SMG6: variants seen among roughly 807,000 people sequenced by gnomAD.
SMG6 encodes telomerase-binding protein EST1A.
SMG6 carries 66 observed loss-of-function variants against 142.2 expected under a neutral mutation model. The observed-to-expected ratio is 0.46, with a 90% confidence interval of 0.38 to 0.57. The LOEUF is 0.57. Among genes scored for constraint, SMG6 ranks in the 20% least tolerant of loss-of-function variants. SMG6 has a pLI of 0.00. For missense variants in SMG6, 1,793 were observed against 1,832.0 expected (o/e 0.98, Z 0.39); for synonymous variants, 779 against 702.4 (o/e 1.11, Z -1.72).
Position 2,065,494 on chromosome 17 carries a change from G to A in SMG6, c.4021C>T (p.Arg1341Cys). ...RGNELESIAF[R>C]SEDITGQLGN... ...AGCTGGCCAGTGATGTCCTCACTGCGGAAGGCGATGGATTCGAGTTCATTG... is the reference window on the plus strand; with the variant it reads ...AGCTGGCCAGTGATGTCCTCACTGCAGAAGGCGATGGATTCGAGTTCATTG... The change falls in exon 17 of 19, where the codon CGC becomes TGC. Residue 1341 changes from arginine (R) to cysteine (C), a missense_variant. By Grantham distance (180) the Arg-to-Cys change is radical. Around this residue, in one of 3 missense-constraint regions of SMG6, gnomAD observed 179 missense variants for 212.6 expected, o/e 0.84. Coordinates refer to ENST00000263073, the MANE Select transcript of SMG6 (RefSeq NM_017575.5). The A allele has an allele frequency of 1.9e-6, 3 of 1,613,312 alleles. No homozygotes were observed. The highest frequency in any genetic ancestry group is 1.7e-5 in the Admixed American group (1 of 60,030).
At chr17:2,259,770 C>T (rs927729858) in intron 8 of SMG6, among the ~76,000 whole-genome samples, 5 of 151,580 alleles carry the variant, frequency 3.3e-5, no homozygotes, top group Non-Finnish European at 5.9e-5. Flanking sequence ...GAAAATATAA[C>T]CTCTCTACCT....
intron 6 of SMG6, among the ~76,000 whole-genome samples, chr17:2,291,143 A>G (rs1379678444): frequency 5.3e-5 from 8 of 152,170 alleles, no homozygotes; most frequent in Non-Finnish European, 1.2e-4. Flanking sequence ...CATCCTGGCT[A>G]ACACAATGAA....
chr17:2,221,698 C>T (rs1440962269), intron 10 of SMG6, among the ~76,000 whole-genome samples: 1 of 152,154 alleles, frequency 6.6e-6, no homozygotes, highest in Admixed American at 6.5e-5. Context: ...TAACAGATGC[C>T]CCTGCCCTTG....
Position 2,068,992 on chromosome 17 carries a change from G to C in SMG6, c.3682-61C>G. 6.4e-7 allele frequency: 1 copy of C among 1,558,674 alleles called. No individual in the cohort carries two copies. Among genetic ancestry groups the C allele is most frequent in the South Asian group, 1.2e-5 (1 of 86,868 alleles). On this transcript the variant is annotated intron_variant, in intron 15 of 18. Coordinates refer to ENST00000263073, the MANE Select transcript of SMG6 (RefSeq NM_017575.5). The surrounding 1 kb of genome is among the most constrained non-coding windows in gnomAD (Gnocchi z 6.7). ...AGCAGGCAAGCAGGTGGGTGAGCCA[G>C]GGCCCTGACACTACGGTGTGTCAGC...
At chr17:2,157,565 G>A (rs1393631215) in intron 13 of SMG6, among the ~76,000 whole-genome samples, 1 of 152,168 alleles carries the variant, frequency 6.6e-6, no homozygotes, top group Admixed American at 6.5e-5. Context: ...CCCAACATGA[G>A]TATGACTGAG....
chr17:2,204,219 A>G (rs1235851498), intron 10 of SMG6, among the ~76,000 whole-genome samples: 1 of 152,230 alleles, frequency 6.6e-6, no homozygotes, highest in Non-Finnish European at 1.5e-5. Flanking sequence ...CCTAGAATAA[A>G]AAGGACCTCT....
intron 13 of SMG6, among the ~76,000 whole-genome samples, chr17:2,161,038 T>TTGTA (rs1363204280): frequency 1.3e-5 from 2 of 151,540 alleles, no homozygotes; most frequent in Non-Finnish European, 2.9e-5. Flanking sequence ...GAGACAAAGG[T>TTGTA]TGTATGTATG....
At chr17:2,258,428 C>T (rs1186499418) in intron 8 of SMG6, among the ~76,000 whole-genome samples, 4 of 151,880 alleles carry the variant, frequency 2.6e-5, no homozygotes, top group Admixed American at 6.6e-5. Flanking sequence ...TGTTATGGCA[C>T]ATGCCTGTAA....
At chr17:2,108,770 C>T (rs1349678060) in intron 13 of SMG6, among the ~76,000 whole-genome samples, 2 of 152,054 alleles carry the variant, frequency 1.3e-5, no homozygotes, top group East Asian at 1.9e-4. Flanking sequence ...AGCGAAGACC[C>T]GTCTCTGCTA....
Position 2,065,474 on chromosome 17 carries a change from G to T in SMG6, c.4041C>A (p.Gly1347=). The change falls in exon 17 of 19, where the codon GGC becomes GGA. Residue 1347 remains glycine (G), a synonymous_variant. Transcript: ENST00000263073. ...TCCTGCCACAGGGTCTCACCAGCTG[G>T]CCAGTGATGTCCTCACTGCGGAAGG... ...SIAFRSEDIT[G]QLGNNDDLIL... is the part of the protein sequence containing the mutation. 6.2e-7 allele frequency: 1 copy of T among 1,611,242 alleles called. No homozygotes were observed.
chr17:2,175,253 GAA>G (rs1463518421), intron 12 of SMG6, among the ~76,000 whole-genome samples: 1 of 152,210 alleles, frequency 6.6e-6, no homozygotes, highest in Admixed American at 6.5e-5. Context: ...GGAAGAAGGT[GAA>G]AAGTCTCCCA....
intron 10 of SMG6, among the ~76,000 whole-genome samples, chr17:2,217,990 A>G (rs891091454): frequency 2.6e-5 from 4 of 151,778 alleles, no homozygotes; most frequent in African/African-American, 7.3e-5. Context: ...AGCTTGGGCG[A>G]CACAGCGAGA....
At chr17:2,248,674 C>T (rs568729226) in intron 8 of SMG6, among the ~76,000 whole-genome samples, 6 of 152,300 alleles carry the variant, frequency 3.9e-5, no homozygotes, top group African/African-American at 9.6e-5. Flanking sequence ...TGAGAACCAC[C>T]GCTTTATTTT....
chr17:2,206,608 C>G (rs560982110), intron 10 of SMG6, among the ~76,000 whole-genome samples: 2 of 152,000 alleles, frequency 1.3e-5, no homozygotes, highest in Non-Finnish European at 2.9e-5. Context: ...TGGCGGGGAG[C>G]AGTGGCTCAT....
rs1214236056 is a variant in SMG6 at position 2,277,155 on chromosome 17, TTATTTATTTA to T, written c.2661+5482_2661+5491del. ...CACATTTATTTATTTATTTATTTAT[TTATTTATTTA>T]TTTTTTATTTTTTTTTTTTTTGAGA... On this transcript the variant is annotated intron_variant, in intron 8 of 18. Coordinates refer to ENST00000263073, the MANE Select transcript of SMG6 (RefSeq NM_017575.5). 9.8e-4 allele frequency among the ~76,000 whole-genome samples: 80 copies of T among 81,962 alleles called. 1 individual carries two copies. The highest frequency in any genetic ancestry group is 4.5e-3 in the African/African-American group (78 of 17,158). 53.8% of individuals were successfully genotyped at this position (81,962 alleles called of 152,430 possible). A position where few individuals can be genotyped will look rare whatever the true frequency, so the allele number is the denominator to read the frequency against.
intron 8 of SMG6, among the ~76,000 whole-genome samples, chr17:2,271,224 G>A (rs2074536971): frequency 6.6e-6 from 1 of 150,874 alleles, no homozygotes; most frequent in Non-Finnish European, 1.5e-5. Context: ...CCGAGTAGCT[G>A]GAATTACAGG....
intron 13 of SMG6, among the ~76,000 whole-genome samples, chr17:2,129,809 A>AAG (rs1225235240): frequency 2.7e-5 from 4 of 150,528 alleles, no homozygotes; most frequent in South Asian, 2.1e-4. Flanking sequence ...AAAAAAAAAA[A>AAG]AAAAAAAAAA....
At chr17:2,130,254 G>A (rs1427042784) in intron 13 of SMG6, among the ~76,000 whole-genome samples, 2 of 32,842 alleles carry the variant, frequency 6.1e-5, no homozygotes, top group African/African-American at 2.4e-4. Context: ...GCGACAGAGC[G>A]AGACTCCGTC....
At chr17:2,080,875 T>A (rs920006221) in intron 15 of SMG6, among the ~76,000 whole-genome samples, 1 of 152,182 alleles carries the variant, frequency 6.6e-6, no homozygotes, top group Admixed American at 6.5e-5. Context: ...GACCTCATGA[T>A]CCGCCCGCCT....
Sources: allele counts gnomAD v4.1 joint callset (sites outside exome capture counted in the v4.1 genomes callset), GRCh38; gene constraint gnomAD v4.1.1; regional missense constraint gnomAD v4.1.1; non-coding constraint Gnocchi (gnomAD v3.1); transcripts MANE v1.5; gene names NCBI Gene and HGNC (gene_info 2026-07-23, HGNC 2026-07-21).